Variants in RNPEPL1 observed in about 807,000 individuals in gnomAD.
The protein encoded by RNPEPL1 is aminopeptidase RNPEPL1.
Under a neutral mutation model 69.0 loss-of-function variants are expected in RNPEPL1, and 46 were observed. The ratio of observed to expected loss-of-function variants is 0.67; its 90% confidence interval spans 0.53 to 0.85. RNPEPL1 has a LOEUF of 0.85. RNPEPL1 is among the 40% of genes least tolerant of loss of function. The probability of loss-of-function intolerance (pLI) is 0.00; values close to 1 mark genes in which losing one functional copy is unlikely to be tolerated. For synonymous variants in RNPEPL1, 525 were observed against 454.1 expected (o/e 1.16, Z -1.98); for missense variants, 869 against 992.5 (o/e 0.88, Z 1.67).
At position 240,573,359 on chromosome 2, in the gene RNPEPL1, C is replaced by A. The variant is rs115033044; in HGVS notation, c.821+98C>A. On this transcript the variant is annotated intron_variant, in intron 3 of 10. Transcript: ENST00000270357. Reference sequence around the variant, plus strand: ...GTGTCCACGGCTGCCCTGCTGAGGACCCCCACTGGCCTCTGGGTGCTCTGG... The same window carrying A: ...GTGTCCACGGCTGCCCTGCTGAGGAACCCCACTGGCCTCTGGGTGCTCTGG... The A allele has an allele frequency of 5.5e-3, 7,418 of 1,353,672 alleles. 258 individuals are homozygous for A. In the African/African-American group the frequency reaches 0.087, roughly 16 times the overall value. The allele number at this position is 1,353,672 out of a possible 1,614,324, so 83.9% of individuals were successfully genotyped here. A position where few individuals can be genotyped will look rare whatever the true frequency, so the allele number is the denominator to read the frequency against.
In RNPEPL1 at chr2:240,577,922, C is replaced by G; in HGVS notation, c.*30C>G. 6.9e-7 allele frequency: 1 copy of G among 1,457,060 alleles called. No homozygotes were observed. The highest frequency in any genetic ancestry group is 9.1e-7 in the Non-Finnish European group (1 of 1,096,226). The allele number at this position is 1,457,060 out of a possible 1,614,324, so 90.3% of individuals were successfully genotyped here. A position where few individuals can be genotyped will look rare whatever the true frequency, so the allele number is the denominator to read the frequency against. On this transcript the variant is annotated 3_prime_UTR_variant, in exon 11 of 11. Coordinates refer to ENST00000270357, the MANE Select transcript of RNPEPL1 (RefSeq NM_018226.6). ...GTTGGCGGGCTGACCCTCGACCTCC[C>G]AGACACCACAATTGTGCCTTCTGTG...
In RNPEPL1 at chr2:240,568,660, C is replaced by G; in HGVS notation, c.74C>G (p.Pro25Arg). Reference protein sequence around the residue: ...AAPVRPPPEPPPALDVASASS... With the variant: ...AAPVRPPPEPRPALDVASASS... Reference sequence around the variant, plus strand: ...CCCGTCCGCCCGCCGCCCGAGCCGCCGCCCGCCCTGGACGTGGCCTCGGCC... The same window carrying G: ...CCCGTCCGCCCGCCGCCCGAGCCGCGGCCCGCCCTGGACGTGGCCTCGGCC... Residue 25 changes from proline (P) to arginine (R), a missense_variant, in exon 1 of 11, where the codon CCG (proline) becomes CGG (arginine). Around this residue, in one of 2 missense-constraint regions of RNPEPL1, gnomAD observed 259 missense variants for 201.5 expected, o/e 1.29. Coordinates refer to ENST00000270357, the MANE Select transcript of RNPEPL1 (RefSeq NM_018226.6). This position sits in a 1 kb window ranked among gnomAD's most constrained non-coding sequence, Gnocchi z 6.2. 9.8e-7 allele frequency: 1 copy of G among 1,017,532 alleles called. No individual in the cohort carries two copies. The highest frequency in any genetic ancestry group is 1.2e-6 in the Non-Finnish European group (1 of 853,514). The allele number at this position is 1,017,532 out of a possible 1,614,324, so 63.0% of individuals were successfully genotyped here. A position where few individuals can be genotyped will look rare whatever the true frequency, so the allele number is the denominator to read the frequency against.
At position 240,575,521 on chromosome 2, in the gene RNPEPL1, A is replaced by C. The variant is rs367900489; in HGVS notation, c.1421A>C (p.Lys474Thr). The C allele has an allele frequency of 6.2e-7, 1 of 1,613,396 alleles. No individual in the cohort carries two copies. The highest frequency in any genetic ancestry group is 8.5e-7 in the Non-Finnish European group (1 of 1,179,966). ...DFLRAYVEKY[K>T]FTSVVAQDLL... Reference sequence around the variant, plus strand: ...ACACAGGCCTATGTGGAGAAGTACAAGTTCACCAGCGTGGTGGCCCAGGAC... The same window carrying C: ...ACACAGGCCTATGTGGAGAAGTACACGTTCACCAGCGTGGTGGCCCAGGAC... Residue 474 changes from lysine (K) to threonine (T), a missense_variant, in exon 8 of 11, where the codon AAG (lysine) becomes ACG (threonine). Transcript: ENST00000270357.
Position 240,579,137 on chromosome 2 carries a change from T to G in RNPEPL1, c.*1245T>G, listed in dbSNP as rs2093046542. 2 of 152,348 alleles carry G rather than the reference T, an allele frequency of 1.3e-5. No homozygotes were observed. The highest frequency in any genetic ancestry group is 6.5e-5 in the Admixed American group (1 of 15,300). The allele number at this position is 152,348 out of a possible 1,614,324, so 9.4% of individuals were successfully genotyped here. ...CAAGGATGTGGCGCCACCATCTCAG[T>G]GCCACGCACACCTGGCCAACATGCC... On this transcript the variant is annotated 3_prime_UTR_variant, in exon 11 of 11. Coordinates refer to ENST00000270357, the MANE Select transcript of RNPEPL1 (RefSeq NM_018226.6).
At position 240,569,112 on chromosome 2, in the gene RNPEPL1, G is replaced by A; in HGVS notation, c.526G>A (p.Ala176Thr). Residue 176 changes from alanine to threonine, a missense_variant and splice_region_variant, in exon 1 of 11, where the codon GCC (alanine) becomes ACC (threonine). Coordinates refer to ENST00000270357, the MANE Select transcript of RNPEPL1 (RefSeq NM_018226.6). The stretch of plus-strand genomic sequence containing the variant: ...GCGGTACACCTCGACCGACGCCCCC[G>A]CCGTGAGTCCGGGGCGGGCGCCGGG... Reference protein sequence around the residue: ...ILRYTSTDAPAIWWLDPELTY... With the variant: ...ILRYTSTDAPTIWWLDPELTY... 1 of 1,491,026 alleles carries A rather than the reference G, an allele frequency of 6.7e-7. No individual in the cohort carries two copies. The highest frequency in any genetic ancestry group is 1.5e-5 in the African/African-American group (1 of 68,394). 92.4% of individuals were successfully genotyped at this position (1,491,026 alleles called of 1,614,324 possible). A position where few individuals can be genotyped will look rare whatever the true frequency, so the allele number is the denominator to read the frequency against.
At chr2:240,571,817 C>T (rs2093022440) in intron 1 of RNPEPL1, among the ~76,000 whole-genome samples, 1 of 151,850 alleles carries the variant, frequency 6.6e-6, no homozygotes, top group African/African-American at 2.4e-5. Context: ...CTCCTGTCCC[C>T]TGCCAGCAGG....
In RNPEPL1 at chr2:240,568,761, G is replaced by C; in HGVS notation, c.175G>C (p.Gly59Arg). The change falls in exon 1 of 11, where the codon GGC (glycine) becomes CGC (arginine). Residue 59 changes from glycine (G) to arginine (R), a missense_variant. Transcript: ENST00000270357. The surrounding 1 kb of genome is among the most constrained non-coding windows in gnomAD (Gnocchi z 6.2). ...GCGGCCCGAGGCGCGCGAGTTGGCC[G>C]GCTGCCTGGTGCTCGAGCTGTGCGC... ...ELRPEARELA[G>R]CLVLELCALR... 2 of 1,067,940 alleles carry C rather than the reference G, an allele frequency of 1.9e-6. No homozygotes were observed. Among genetic ancestry groups the C allele is most frequent in the Non-Finnish European group, 2.3e-6 (2 of 882,654 alleles). The allele number at this position is 1,067,940 out of a possible 1,614,324, so 66.2% of individuals were successfully genotyped here.
At position 240,577,815 on chromosome 2, in the gene RNPEPL1, G is replaced by T. The variant is rs372966416; in HGVS notation, c.2101G>T (p.Asp701Tyr). 1 of 1,607,316 alleles carries T rather than the reference G, an allele frequency of 6.2e-7. No individual in the cohort carries two copies. Among genetic ancestry groups the T allele is most frequent in the Non-Finnish European group, 8.5e-7 (1 of 1,175,718 alleles). The change falls in exon 11 of 11, where the codon GAC becomes TAC. Residue 701 changes from aspartate to tyrosine, a missense_variant. By Grantham distance (160) the Asp-to-Tyr change is radical (BLOSUM62 -3). Transcript: ENST00000270357. ...LGKAEADTDS[D>Y]AQALLLGDEA... ...CAAGGCTGAAGCAGACACAGACTCG[G>T]ACGCACAGGCCCTGCTGCTTGGGGA...
At chr2:240,570,762 C>T (rs1270880417) in intron 1 of RNPEPL1, among the ~76,000 whole-genome samples, 2 of 152,196 alleles carry the variant, frequency 1.3e-5, no homozygotes, top group African/African-American at 4.8e-5. Context: ...TCCACCAGCC[C>T]ATCAGCACCT....
chr2:240,577,710 C>T lies in RNPEPL1; in HGVS notation c.1996C>T (p.Arg666Cys), dbSNP rs1280267869. 2 of 1,612,692 alleles carry T rather than the reference C, an allele frequency of 1.2e-6. No individual in the cohort carries two copies. Among genetic ancestry groups the T allele is most frequent in the South Asian group, 1.1e-5 (1 of 91,020 alleles). Reference sequence around the variant, plus strand: ...GCAGGGCCGGCTGCACCCCAACCTGCGCAGAGCCATCCAGCAGATCCTGTC... The same window carrying T: ...GCAGGGCCGGCTGCACCCCAACCTGTGCAGAGCCATCCAGCAGATCCTGTC... ...QTQGRLHPNLRRAIQQILSQG... is the reference protein window; with the variant it reads ...QTQGRLHPNLCRAIQQILSQG... The change falls in exon 11 of 11, where the codon CGC becomes TGC. Residue 666 changes from arginine (R) to cysteine (C), a missense_variant. Around this residue, in one of 2 missense-constraint regions of RNPEPL1, gnomAD observed 610 missense variants for 790.9 expected, o/e 0.77. Transcript: ENST00000270357.
intron 6 of RNPEPL1, 175 bp downstream of exon 6, chr2:240,574,803 C>T (rs1575437842): frequency 1.5e-6 from 1 of 669,888 alleles, no homozygotes; most frequent in East Asian, 2.7e-5. Flanking sequence ...GCTCCCACAG[C>T]CACCGCCGCT....
rs2093010914 is a variant in RNPEPL1, at chr2:240,568,575, G to A, written c.-12G>A. Reference sequence around the variant, plus strand: ...GGCCGCCGCCCATGGATTTCACCTAGTGCCGGCGGCCATGGCCGCGCAGTG... The same window carrying A: ...GGCCGCCGCCCATGGATTTCACCTAATGCCGGCGGCCATGGCCGCGCAGTG... On this transcript the variant is annotated 5_prime_UTR_variant, in exon 1 of 11. In the 5' UTR this introduces an upstream ATG that the reference lacks. Transcript: ENST00000270357. This position sits in a 1 kb window ranked among gnomAD's most constrained non-coding sequence, Gnocchi z 6.2. The A allele has an allele frequency of 3.1e-6, 3 of 977,920 alleles. No homozygotes were observed. The highest frequency in any genetic ancestry group is 3.6e-6 in the Non-Finnish European group (3 of 826,980). 60.6% of individuals were successfully genotyped at this position (977,920 alleles called of 1,614,324 possible).
chr2:240,577,625 G>T lies in RNPEPL1; in HGVS notation c.1911G>T (p.Leu637=). 6.2e-7 allele frequency: 1 copy of T among 1,601,742 alleles called. No homozygotes were observed. The highest frequency in any genetic ancestry group is 8.5e-7 in the Non-Finnish European group (1 of 1,171,598). Reference sequence around the variant, plus strand: ...TGTCACGCATGTACACCATCCCGCTGTACGAGGACCTCTGCACCGGTGCCC... The same window carrying T: ...TGTCACGCATGTACACCATCCCGCTTTACGAGGACCTCTGCACCGGTGCCC... ...SQMSRMYTIP[L]YEDLCTGALK... is the part of the protein sequence containing the mutation. Residue 637 remains leucine, a synonymous_variant, in exon 11 of 11, where the codon CTG becomes CTT. Coordinates refer to ENST00000270357, the MANE Select transcript of RNPEPL1 (RefSeq NM_018226.6).
chr2:240,569,960 G>A (rs1033207176), intron 1 of RNPEPL1, among the ~76,000 whole-genome samples: 2 of 152,226 alleles, frequency 1.3e-5, no homozygotes, highest in African/African-American at 4.8e-5. Flanking sequence ...GAAGAACCCA[G>A]ACCAGTGCAC....
rs572668708 is a variant in RNPEPL1 at position 240,576,620 on chromosome 2, C to G, written c.1596C>G (p.Pro532=). 3.7e-6 allele frequency: 6 copies of G among 1,613,062 alleles called. No individual in the cohort carries two copies. Among genetic ancestry groups the G allele is most frequent in the South Asian group, 2.2e-5 (2 of 91,090 alleles). Residue 532 remains proline (P), a synonymous_variant, in exon 9 of 11, where the codon CCC becomes CCG. Coordinates refer to ENST00000270357, the MANE Select transcript of RNPEPL1 (RefSeq NM_018226.6). ...CTCAGGGATCCAGCCTGACCCGGCC[C>G]GTGGAGGCCCTTTTCCAGCTGTGGA... ...DLSQGSSLTR[P]VEALFQLWTA...
Position 240,568,616 on chromosome 2 carries a change from G to T in RNPEPL1, c.30G>T (p.Ala10=). 1.0e-6 allele frequency: 1 copy of T among 992,704 alleles called. No homozygotes were observed. The highest frequency in any genetic ancestry group is 1.2e-6 in the Non-Finnish European group (1 of 837,996). 61.5% of individuals were successfully genotyped at this position (992,704 alleles called of 1,614,324 possible). A position where few individuals can be genotyped will look rare whatever the true frequency, so the allele number is the denominator to read the frequency against. The change falls in exon 1 of 11, where the codon GCG becomes GCT. Residue 10 remains alanine, a synonymous_variant. Transcript: ENST00000270357. This position sits in a 1 kb window ranked among gnomAD's most constrained non-coding sequence, Gnocchi z 6.2. Reference sequence around the variant, plus strand: ...CCGCGCAGTGCTGCTGCCGCCAGGCGCCCGGCGCCGAGGCCGCGCCCGTCC... The same window carrying T: ...CCGCGCAGTGCTGCTGCCGCCAGGCTCCCGGCGCCGAGGCCGCGCCCGTCC... MAAQCCCRQ[A]PGAEAAPVRP...
intron 1 of RNPEPL1, 161 bp downstream of exon 1, chr2:240,569,275 C>T (rs913011085): frequency 1.4e-5 from 11 of 787,756 alleles, no homozygotes; most frequent in Non-Finnish European, 2.0e-5. Context: ...GCCCTTAGGA[C>T]CCTCGGATAG....
Position 240,574,517 on chromosome 2 carries a change from G to A in RNPEPL1, c.1177G>A (p.Ala393Thr). 2 of 1,609,990 alleles carry A rather than the reference G, an allele frequency of 1.2e-6. No individual in the cohort carries two copies. Among genetic ancestry groups the A allele is most frequent in the Non-Finnish European group, 8.5e-7 (1 of 1,178,850 alleles). ...QRRITTETYG[A>T]AFTCLETAFR... ...CTCTGTCTCCGGACCCCATCCAGGT[G>A]CTGCCTTCACCTGCCTGGAGACTGC... Residue 393 changes from alanine (A) to threonine (T), a missense_variant and splice_region_variant, in exon 6 of 11, where the codon GCT becomes ACT. Around this residue, in one of 2 missense-constraint regions of RNPEPL1, gnomAD observed 610 missense variants for 790.9 expected, o/e 0.77. Coordinates refer to ENST00000270357, the MANE Select transcript of RNPEPL1 (RefSeq NM_018226.6).
At position 240,578,272 on chromosome 2, in the gene RNPEPL1, C is replaced by G; in HGVS notation, c.*380C>G. 5.6e-6 allele frequency: 1 copy of G among 178,950 alleles called. No homozygotes were observed. The highest frequency in any genetic ancestry group is 1.4e-4 in the East Asian group (1 of 7,026). The allele number at this position is 178,950 out of a possible 1,614,324, so 11.1% of individuals were successfully genotyped here. A position where few individuals can be genotyped will look rare whatever the true frequency, so the allele number is the denominator to read the frequency against. On this transcript the variant is annotated 3_prime_UTR_variant, in exon 11 of 11. Coordinates refer to ENST00000270357, the MANE Select transcript of RNPEPL1 (RefSeq NM_018226.6). ...ACTGTGCCTTAATGTCTGCCGGGGG[C>G]CCAGGCTGTGCTGTCCCTGCAGCAC...
Sources: gnomAD v4.1 joint callset for allele counts (sites outside exome capture counted in the v4.1 genomes callset) on GRCh38, gnomAD v4.1.1 for gene constraint, gnomAD v4.1.1 regional missense constraint, Gnocchi (gnomAD v3.1) non-coding constraint, MANE v1.5 for transcripts, NCBI Gene and HGNC (gene_info 2026-07-23, HGNC 2026-07-21) for gene names.